RUFY3: variants seen among roughly 807,000 people sequenced by gnomAD.
RUFY3 encodes protein RUFY3.
In RUFY3, 34 loss-of-function variants were observed where a neutral mutation model predicts 84.0. That is an observed-to-expected ratio of 0.40 (90% confidence interval 0.31 to 0.54). RUFY3 has a LOEUF of 0.54. Ranked by LOEUF, RUFY3 falls within the 20% of genes least tolerant of loss-of-function variation. The pLI, the probability that RUFY3 is intolerant of heterozygous loss-of-function variation, is 0.39. For missense variants in RUFY3, 507 were observed against 736.8 expected (o/e 0.69, Z 3.61); for synonymous variants, 242 against 252.9 (o/e 0.96, Z 0.41).
At chr4:70,738,114 G>A (rs573764523) in intron 1 of RUFY3, among the ~76,000 whole-genome samples, 1 of 149,004 alleles carries the variant, frequency 6.7e-6, no homozygotes, top group Admixed American at 6.6e-5. Context: ...CTCCCAAGTA[G>A]CTGGGATTAG....
chr4:70,765,660 A>G (rs1033853420), intron 4 of RUFY3, among the ~76,000 whole-genome samples: 2 of 152,224 alleles, frequency 1.3e-5, no homozygotes, highest in Admixed American at 6.5e-5. Flanking sequence ...AGAGGCTATC[A>G]AAGAACAAAA....
chr4:70,744,119 T>G (rs1721757514), intron 1 of RUFY3, among the ~76,000 whole-genome samples: 3 of 152,222 alleles, frequency 2.0e-5, no homozygotes, highest in Admixed American at 2.0e-4. Context: ...GACCTTCAAC[T>G]GCTAAGCTGT....
At chr4:70,775,947 A>AC (rs1287121674) in intron 7 of RUFY3, among the ~76,000 whole-genome samples, 1 of 129,232 alleles carries the variant, frequency 7.7e-6, no homozygotes. Flanking sequence ...TCTTAAACAA[A>AC]AAAAAAAAAA....
intron 1 of RUFY3, among the ~76,000 whole-genome samples, chr4:70,739,630 G>A (rs987062641): frequency 1.3e-5 from 2 of 152,104 alleles, no homozygotes; most frequent in African/African-American, 4.8e-5. Flanking sequence ...TAGCAATACT[G>A]CTAGAGAAAG....
chr4:70,740,689 A>G (rs1721195894), intron 1 of RUFY3, among the ~76,000 whole-genome samples: 1 of 152,222 alleles, frequency 6.6e-6, no homozygotes, highest in Non-Finnish European at 1.5e-5. Context: ...ATATTGTCAA[A>G]GGATTGAACC....
chr4:70,706,218 T>C (rs28433649), intron 1 of RUFY3, among the ~76,000 whole-genome samples: 16,667 of 152,026 alleles, frequency 0.11, 1,773 homozygotes, highest in African/African-American at 0.28. Context: ...AAGCGCCAAA[T>C]ACTTTGCTGT....
At chr4:70,736,586 T>C (rs1720342434) in intron 1 of RUFY3, among the ~76,000 whole-genome samples, 1 of 152,118 alleles carries the variant, frequency 6.6e-6, no homozygotes, top group South Asian at 2.1e-4. Flanking sequence ...CTTTTTTTTT[T>C]CTGAGACGGA....
chr4:70,776,026 T>G (rs1727912416), intron 7 of RUFY3, among the ~76,000 whole-genome samples: 1 of 152,136 alleles, frequency 6.6e-6, no homozygotes, highest in Non-Finnish European at 1.5e-5. Context: ...AGCATTAATT[T>G]AATATATAAA....
chr4:70,776,376 GT>G (rs1560535659), intron 7 of RUFY3, among the ~76,000 whole-genome samples: 1 of 151,876 alleles, frequency 6.6e-6, no homozygotes, highest in South Asian at 2.1e-4. Flanking sequence ...GTTTTCTCAG[GT>G]TTTTTTCCCC....
intron 7 of RUFY3, among the ~76,000 whole-genome samples, chr4:70,776,297 G>A (rs1256905908): frequency 6.6e-6 from 1 of 152,170 alleles, no homozygotes; most frequent in Non-Finnish European, 1.5e-5. Context: ...TAAAAGTAAT[G>A]TGAATGTAGT....
chr4:70,770,097 C>T (rs544250654), intron 5 of RUFY3, among the ~76,000 whole-genome samples: 217 of 152,312 alleles, frequency 1.4e-3, no homozygotes, highest in Non-Finnish European at 1.1e-3. Context: ...GCTGGGATTA[C>T]AGGCATGAAC....
upstream of RUFY3, among the ~76,000 whole-genome samples, chr4:70,720,462 G>C (rs1742140278): frequency 6.6e-6 from 1 of 152,180 alleles, no homozygotes; most frequent in Non-Finnish European, 1.5e-5. Flanking sequence ...GGTATTATAG[G>C]CATGAGCCAC....
rs1730443279 is a variant in RUFY3, at chr4:70,789,404, T to C, written c.1240-91T>C. 6.6e-6 allele frequency: 8 copies of C among 1,211,512 alleles called. No homozygotes were observed. The Admixed American group carries it at 1.9e-4, about 29-fold the overall frequency. 75.0% of individuals were successfully genotyped at this position (1,211,512 alleles called of 1,614,324 possible). ...TATTGAAATATATGAACATTTCTGT[T>C]TTCCCACTTACCATTAGATTCAAAA... On this transcript the variant is annotated intron_variant, in intron 11 of 17. Transcript: ENST00000381006.
At chr4:70,725,494 C>A (rs575638987) in intron 1 of RUFY3, among the ~76,000 whole-genome samples, 13 of 152,102 alleles carry the variant, frequency 8.5e-5, no homozygotes, top group Non-Finnish European at 1.9e-4. Context: ...CCACACCCAG[C>A]TAATTTTTGT....
At chr4:70,709,279 A>G in intron 1 of RUFY3, among the ~76,000 whole-genome samples, 1 of 152,340 alleles carries the variant, frequency 6.6e-6, no homozygotes, top group East Asian at 1.9e-4. Context: ...TTTAAATCTC[A>G]TAAAACTCTC....
At chr4:70,735,616 G>A (rs1720140844) in intron 1 of RUFY3, among the ~76,000 whole-genome samples, 2 of 152,154 alleles carry the variant, frequency 1.3e-5, no homozygotes, top group South Asian at 2.1e-4. Flanking sequence ...CAAGGCAGGC[G>A]GATTGCTTGA....
intron 1 of RUFY3, among the ~76,000 whole-genome samples, chr4:70,725,105 T>C (rs1414909778): frequency 6.6e-6 from 1 of 152,182 alleles, no homozygotes; most frequent in Non-Finnish European, 1.5e-5. Flanking sequence ...CTTAAAATGA[T>C]GTAGACTGAC....
At chr4:70,773,267 G>A (rs1358900730) in intron 5 of RUFY3, among the ~76,000 whole-genome samples, 1 of 152,192 alleles carries the variant, frequency 6.6e-6, no homozygotes. Flanking sequence ...TTTATATTAA[G>A]TATTCTGTTG....
At chr4:70,706,606 T>C (rs1407991698) in intron 1 of RUFY3, among the ~76,000 whole-genome samples, 1 of 152,140 alleles carries the variant, frequency 6.6e-6, no homozygotes, top group Non-Finnish European at 1.5e-5. Flanking sequence ...ACTGTGATGG[T>C]GGGTGACAGG....
Sources: gnomAD v4.1 joint callset for allele counts (sites outside exome capture counted in the v4.1 genomes callset) on GRCh38, gnomAD v4.1.1 for gene constraint, MANE v1.5 for transcripts, NCBI Gene and HGNC (gene_info 2026-07-23, HGNC 2026-07-21) for gene names.